INSL6: variants seen among roughly 807,000 people sequenced by gnomAD.
The protein encoded by INSL6 is insulin like 6.
A neutral mutation model predicts 9.4 loss-of-function variants in INSL6; 16 were observed. The observed-to-expected ratio is 1.70, with a 90% CI of 1.15 to 2.59. The LOEUF (loss-of-function observed/expected upper bound fraction) is 2.59. Ranked by LOEUF, INSL6 falls within the 30% of genes most tolerant of loss-of-function variation. INSL6 has a pLI of 0.00. For synonymous variants in INSL6, 154 were observed against 96.9 expected, an observed-to-expected ratio of 1.59 and a Z score of -3.46; for missense variants, 391 against 257.3, an observed-to-expected ratio of 1.52 and a Z score of -3.56.
the INSL6 span, among the ~76,000 whole-genome samples, chr9:5,003,492 T>G: frequency 6.6e-6 from 1 of 152,078 alleles, no homozygotes; most frequent in Admixed American, 6.5e-5. Flanking sequence ...TAAATGATAC[T>G]ATTTTTAAAT....
At chr9:5,054,452 G>A in the INSL6 span, 1,756 of 841,860 alleles carry the variant, frequency 2.1e-3, 11 homozygotes, top group Non-Finnish European at 2.1e-3. This position sits in a 1 kb window ranked among gnomAD's most constrained non-coding sequence, Gnocchi z 4.9. Flanking sequence ...CCACTGTGTT[G>A]TAAGGCCTAC....
chr9:5,180,870 T>C (rs910488117), intron 1 of INSL6, among the ~76,000 whole-genome samples: 1 of 152,202 alleles, frequency 6.6e-6, no homozygotes, highest in Non-Finnish European at 1.5e-5. Context: ...TAGACCCTTA[T>C]TAGTAGTTCT....
intron 2 of INSL6, among the ~76,000 whole-genome samples, chr9:5,143,114 G>A (rs1824534636): frequency 6.6e-6 from 1 of 152,006 alleles, no homozygotes; most frequent in African/African-American, 2.4e-5. Context: ...GAGGATTTTT[G>A]TACTGATGTT....
chr9:5,077,102 G>A, the INSL6 span, among the ~76,000 whole-genome samples: 2 of 151,680 alleles, frequency 1.3e-5, no homozygotes, highest in East Asian at 3.9e-4. Context: ...AGGAAGGTTT[G>A]AATGTCTAAA....
At chr9:5,042,417 G>C in the INSL6 span, among the ~76,000 whole-genome samples, 1 of 152,074 alleles carries the variant, frequency 6.6e-6, no homozygotes, top group South Asian at 2.1e-4. Flanking sequence ...GATTACAGGC[G>C]TGAGCCACCG....
intron 2 of INSL6, among the ~76,000 whole-genome samples, chr9:5,152,076 T>C (rs1248162595): frequency 6.6e-6 from 1 of 152,080 alleles, no homozygotes. Context: ...TGAAATACAT[T>C]AAGAACGAAT....
the INSL6 span, among the ~76,000 whole-genome samples, chr9:5,043,851 G>C: frequency 3.3e-5 from 5 of 152,166 alleles, no homozygotes; most frequent in Non-Finnish European, 7.4e-5. Flanking sequence ...AGACAGAAAG[G>C]CCACATGTTC....
the INSL6 span, among the ~76,000 whole-genome samples, chr9:4,992,358 A>G: frequency 2.6e-5 from 4 of 152,336 alleles, no homozygotes; most frequent in East Asian, 5.8e-4. Flanking sequence ...GCTGCACAGT[A>G]TAACTTCTGC....
chr9:5,050,664 T>G, the INSL6 span: 1 of 1,603,112 alleles, frequency 6.2e-7, no homozygotes. Context: ...ATGAGATATT[T>G]CCTTCAAATT....
chr9:5,000,184 T>C, the INSL6 span, among the ~76,000 whole-genome samples: 1 of 152,196 alleles, frequency 6.6e-6, no homozygotes, highest in African/African-American at 2.4e-5. Context: ...TTATAGTGTT[T>C]ATAATATGCA....
downstream of INSL6, among the ~76,000 whole-genome samples, chr9:5,159,587 A>G (rs181327378): frequency 2.9e-3 from 440 of 152,322 alleles, no homozygotes; most frequent in Non-Finnish European, 4.8e-3. Flanking sequence ...GGGTCAATTC[A>G]GTAAAAAGAT....
chr9:5,078,086 A>C, the INSL6 span, among the ~76,000 whole-genome samples: 1 of 152,202 alleles, frequency 6.6e-6, no homozygotes, highest in Non-Finnish European at 1.5e-5. Flanking sequence ...TGGTAGTTTT[A>C]ATTTATTCAT....
In INSL6 at chr9:5,185,399, G is replaced by A. The variant is rs1382209128; in HGVS notation, c.204C>T (p.Ala68=). ...GGCTGTAGGCTTCGACCTTCTCCGAGGCCTGTGCAATCAACCGTGAGAAAG... is the reference window on the plus strand; with the variant it reads ...GGCTGTAGGCTTCGACCTTCTCCGAAGCCTGTGCAATCAACCGTGAGAAAG... ...ETPFSRLIAQ[A]SEKVEAYSPY... Residue 68 remains alanine, a synonymous_variant, in exon 1 of 2, where the codon GCC becomes GCT. Transcript: ENST00000381641. The A allele has an allele frequency of 6.2e-7, 1 of 1,614,144 alleles. No homozygotes were observed. The highest frequency in any genetic ancestry group is 1.7e-5 in the Admixed American group (1 of 60,026).
the INSL6 span, among the ~76,000 whole-genome samples, chr9:5,089,399 G>A: frequency 6.6e-6 from 1 of 151,962 alleles, no homozygotes; most frequent in African/African-American, 2.4e-5. Flanking sequence ...TTAGCTGGGC[G>A]TATTGGCGGG....
the INSL6 span, among the ~76,000 whole-genome samples, chr9:5,093,465 C>G: frequency 1.3e-5 from 2 of 151,964 alleles, no homozygotes; most frequent in East Asian, 1.9e-4. Context: ...CTGTCTCTTA[C>G]GTTTAATCAG....
intron 2 of INSL6, among the ~76,000 whole-genome samples, chr9:5,145,331 T>C (rs1342787718): frequency 1.3e-5 from 2 of 152,236 alleles, no homozygotes; most frequent in South Asian, 2.1e-4. Flanking sequence ...GGTCCACTGA[T>C]AGTAAGACAG....
chr9:5,050,397 A>C, the INSL6 span, among the ~76,000 whole-genome samples: 2 of 152,130 alleles, frequency 1.3e-5, no homozygotes, highest in African/African-American at 2.4e-5. Context: ...CAGCCCCCCA[A>C]GTAGCTGGGA....
chr9:4,994,059 A>G, the INSL6 span, among the ~76,000 whole-genome samples: 1 of 152,108 alleles, frequency 6.6e-6, no homozygotes, highest in African/African-American at 2.4e-5. Context: ...GACTGAACTG[A>G]ATTGGGTTAA....
the INSL6 span, among the ~76,000 whole-genome samples, chr9:5,007,670 C>T: frequency 1.3e-5 from 2 of 151,422 alleles, no homozygotes; most frequent in African/African-American, 4.8e-5. Flanking sequence ...TGGCAAAAAC[C>T]ACAATTACTT....
Sources: allele counts gnomAD v4.1 joint callset (sites outside exome capture counted in the v4.1 genomes callset), GRCh38; gene constraint gnomAD v4.1.1; non-coding constraint Gnocchi (gnomAD v3.1); transcripts MANE v1.5; gene names NCBI Gene and HGNC (gene_info 2026-07-23, HGNC 2026-07-21).